HMCN1: variants seen among roughly 807,000 people sequenced by gnomAD.
The protein encoded by HMCN1 is hemicentin 1.
Under a neutral mutation model 625.9 loss-of-function variants are expected in HMCN1, and 321 were observed. That is an observed-to-expected ratio of 0.51 (90% CI 0.47 to 0.56). HMCN1 has a LOEUF of 0.56. HMCN1 is among the 20% of genes least tolerant of loss of function. The pLI is 0.00. For missense variants in HMCN1, 6,588 were observed against 6,887.3 expected (o/e 0.96, Z 1.54); for synonymous variants, 2,425 against 2,417.6 (o/e 1.00, Z -0.09).
At chr1:186,117,659 T>C in intron 77 of HMCN1, 36 bp downstream of exon 77, 1 of 1,588,214 alleles carries the variant, frequency 6.3e-7, no homozygotes, top group Non-Finnish European at 8.6e-7. Context: ...ATCTATTGAT[T>C]GTATTATTTA....
chr1:186,020,875 T>C (rs1002606505), intron 35 of HMCN1, among the ~76,000 whole-genome samples: 5 of 152,056 alleles, frequency 3.3e-5, no homozygotes, highest in Non-Finnish European at 1.5e-5. Context: ...GTATTAAAGA[T>C]TGGAGACTAG....
At chr1:186,139,297 CA>C (rs1443255368) in intron 89 of HMCN1, among the ~76,000 whole-genome samples, 1 of 152,134 alleles carries the variant, frequency 6.6e-6, no homozygotes, top group Non-Finnish European at 1.5e-5. Flanking sequence ...ACTTTGATTA[CA>C]TTACAAAAAC....
chr1:185,846,103 G>T lies in HMCN1; in HGVS notation c.339+7G>T. On this transcript the variant is annotated splice_region_variant and intron_variant, in intron 2 of 106. Coordinates refer to ENST00000271588, the MANE Select transcript of HMCN1 (RefSeq NM_031935.3). Reference sequence around the variant, plus strand: ...CAGAGAACTGTATGTTCAGGTGAGTGCTTGCTTTCAGTGTTCTCTTGGGGG... The same window carrying T: ...CAGAGAACTGTATGTTCAGGTGAGTTCTTGCTTTCAGTGTTCTCTTGGGGG... 1.3e-6 allele frequency: 2 copies of T among 1,597,190 alleles called. No individual in the cohort carries two copies. Among genetic ancestry groups the T allele is most frequent in the South Asian group, 1.1e-5 (1 of 90,768 alleles).
In HMCN1 at chr1:185,864,464, C is replaced by T; in HGVS notation, c.340-6C>T. The T allele has an allele frequency of 6.2e-7, 1 of 1,613,630 alleles. No individual in the cohort carries two copies. Among genetic ancestry groups the T allele is most frequent in the Non-Finnish European group, 8.5e-7 (1 of 1,179,700 alleles). ...ACGTAATTGAATTTTTCTCTCCACT[C>T]AACAGGGTGGTGGTGATTGCCCAGA... On this transcript the variant is annotated splice_region_variant and splice_polypyrimidine_tract_variant and intron_variant, in intron 2 of 106. Coordinates refer to ENST00000271588, the MANE Select transcript of HMCN1 (RefSeq NM_031935.3).
intron 1 of HMCN1, among the ~76,000 whole-genome samples, chr1:185,790,894 TGA>T (rs1280985761): frequency 1.3e-5 from 2 of 152,190 alleles, no homozygotes; most frequent in Admixed American, 6.5e-5. Flanking sequence ...TGTTTATTTA[TGA>T]GAGACTAATG....
chr1:186,144,233 G>A lies in HMCN1; in HGVS notation c.13985G>A (p.Gly4662Asp). The A allele has an allele frequency of 1.2e-6, 2 of 1,613,224 alleles. No individual in the cohort carries two copies. Among genetic ancestry groups the A allele is most frequent in the South Asian group, 1.1e-5 (1 of 90,904 alleles). ...WGTCSESCGK[G>D]TQTRARLCNN... Reference sequence around the variant, plus strand: ...ACATGCAGCGAAAGTTGTGGGAAAGGTACTCAGACAAGAGCAAGACTTTGT... The same window carrying A: ...ACATGCAGCGAAAGTTGTGGGAAAGATACTCAGACAAGAGCAAGACTTTGT... Residue 4662 changes from glycine to aspartate, a missense_variant, in exon 90 of 107, where the codon GGT becomes GAT. By Grantham distance (94) the Gly-to-Asp change is moderately conservative. Coordinates refer to ENST00000271588, the MANE Select transcript of HMCN1 (RefSeq NM_031935.3).
At chr1:185,995,921 G>A (rs182275417) in intron 24 of HMCN1, among the ~76,000 whole-genome samples, 281 of 152,164 alleles carry the variant, frequency 1.8e-3, no homozygotes, top group African/African-American at 3.6e-3. Flanking sequence ...AGTTCTTAGC[G>A]CTGTACTGAG....
At chr1:185,796,658 A>T (rs1382661996) in intron 1 of HMCN1, among the ~76,000 whole-genome samples, 1 of 150,376 alleles carries the variant, frequency 6.6e-6, no homozygotes, top group Non-Finnish European at 1.5e-5. Context: ...GTGTGTGTAT[A>T]CTCACATATA....
At chr1:185,801,805 G>A (rs1436026172) in intron 1 of HMCN1, among the ~76,000 whole-genome samples, 2 of 152,166 alleles carry the variant, frequency 1.3e-5, no homozygotes, top group Non-Finnish European at 2.9e-5. Flanking sequence ...AGTTAAGGAT[G>A]GCTGGAGGCG....
At chr1:185,796,626 CTGTGTG>C (rs150495815) in intron 1 of HMCN1, among the ~76,000 whole-genome samples, 54 of 148,780 alleles carry the variant, frequency 3.6e-4, no homozygotes, top group African/African-American at 9.3e-4. Flanking sequence ...GAGTTTGTGT[CTGTGTG>C]TGTGTGTGTG....
At position 186,139,597 on chromosome 1, in the gene HMCN1, GTTTTTT is replaced by G. The variant is rs74329100; in HGVS notation, c.13924+1634_13924+1639del. ...GTTTTGTTCACTATTCTATTGGCTT[GTTTTTT>G]TTTTTTTTAAAGGCTTTCTCTAGTT... On this transcript the variant is annotated intron_variant, in intron 89 of 106. Transcript: ENST00000271588. 6.0e-3 allele frequency among the ~76,000 whole-genome samples: 780 copies of G among 130,436 alleles called. 4 individuals are homozygous for G. Among genetic ancestry groups the G allele is most frequent in the African/African-American group, 0.02 (738 of 36,410 alleles). The allele number at this position is 130,436 out of a possible 152,430, so 85.6% of individuals were successfully genotyped here.
At position 185,896,531 on chromosome 1, in the gene HMCN1, A is replaced by G. The variant is rs1489022927; in HGVS notation, c.622-12806A>G. Among the ~76,000 whole-genome samples the G allele has an allele frequency of 3.3e-5, 5 of 152,248 alleles. No individual in the cohort carries two copies. In the East Asian group the frequency reaches 9.6e-4, roughly 29 times the overall value. ...GATTCTTTATTTTACATGTTTACAT[A>G]GAATTTATTACTGTTATGATAAAAC... is the stretch of plus-strand genomic sequence containing the variant. On this transcript the variant is annotated intron_variant, in intron 4 of 106. Transcript: ENST00000271588.
chr1:186,115,332 G>T lies in HMCN1; in HGVS notation c.11479G>T (p.Ala3827Ser), dbSNP rs374041768. The T allele has an allele frequency of 6.2e-7, 1 of 1,613,934 alleles. No individual in the cohort carries two copies. The change falls in exon 75 of 107, where the codon GCT becomes TCT. Residue 3827 changes from alanine to serine, a missense_variant. This residue lies in a region of HMCN1 where 4,628 missense variants were observed against 4,853.1 expected (regional missense o/e 0.95). Transcript: ENST00000271588. ...TGTTCAAACTACTCTGGCTTGTGAG[G>T]CTACTGGGATACCAAAACCATCAAT... Reference protein sequence around the residue: ...VNVQTTLACEATGIPKPSINW... With the variant: ...VNVQTTLACESTGIPKPSINW...
intron 35 of HMCN1, 93 bp from the exon 36 acceptor site, chr1:186,022,937 T>C (rs1165327189): frequency 4.0e-6 from 5 of 1,238,698 alleles, no homozygotes; most frequent in Admixed American, 3.4e-5. Context: ...TTGTTAGATA[T>C]TATAAATTTA....
intron 50 of HMCN1, among the ~76,000 whole-genome samples, chr1:186,069,249 G>A (rs1299103137): frequency 1.3e-5 from 2 of 152,164 alleles, no homozygotes; most frequent in African/African-American, 4.8e-5. Context: ...AATTGAGAAC[G>A]ATTGAAGATA....
In HMCN1 at chr1:186,128,189, G is replaced by A. The variant is rs1423492140; in HGVS notation, c.12802G>A (p.Asp4268Asn). 3 of 1,613,610 alleles carry A rather than the reference G, an allele frequency of 1.9e-6. No individual in the cohort carries two copies. In the South Asian group the frequency reaches 3.3e-5, roughly 18 times the overall value. Residue 4268 changes from aspartate (D) to asparagine (N), a missense_variant, in exon 83 of 107, where the codon GAC (aspartate) becomes AAC (asparagine). Coordinates refer to ENST00000271588, the MANE Select transcript of HMCN1 (RefSeq NM_031935.3). ...CCCCACTTTTACTGAACTTCCTGGAGACGTGTCATTAAATAAAGGAGAACA... is the reference window on the plus strand; with the variant it reads ...CCCCACTTTTACTGAACTTCCTGGAAACGTGTCATTAAATAAAGGAGAACA... ...VLPTFTELPG[D>N]VSLNKGEQLR...
At chr1:186,024,543 A>G (rs1654933877) in intron 36 of HMCN1, among the ~76,000 whole-genome samples, 1 of 152,158 alleles carries the variant, frequency 6.6e-6, no homozygotes, top group Non-Finnish European at 1.5e-5. Context: ...CAATGGCATG[A>G]TACAATCATC....
At chr1:186,151,382 CTT>C (rs1208670314) in intron 94 of HMCN1, 33 bp downstream of exon 94, 2 of 1,586,874 alleles carry the variant, frequency 1.3e-6, no homozygotes, top group East Asian at 2.2e-5. Flanking sequence ...TTTTTAAAAA[CTT>C]ATATATTATT....
intron 46 of HMCN1, 79 bp from the exon 47 acceptor site, chr1:186,061,772 A>G (rs1657720191): frequency 2.2e-6 from 2 of 897,142 alleles, no homozygotes; most frequent in South Asian, 3.0e-5. Context: ...TTTTTACCGA[A>G]ATTGAGCATC....
Sources: gnomAD v4.1 joint callset for allele counts (sites outside exome capture counted in the v4.1 genomes callset) on GRCh38, gnomAD v4.1.1 for gene constraint, gnomAD v4.1.1 regional missense constraint, MANE v1.5 for transcripts, NCBI Gene and HGNC (gene_info 2026-07-23, HGNC 2026-07-21) for gene names.